The following OR51B5 variants were observed in gnomAD, a reference collection of about 807,000 sequenced individuals.
OR51B5 encodes the protein olfactory receptor family 51 subfamily B member 5.
For synonymous variants in OR51B5, 186 were observed against 144.8 expected (o/e 1.28, Z -2.04); for missense variants, 456 against 374.6 (o/e 1.22, Z -1.79).
rs139435494 is a variant in OR51B5, at chr11:5,389,419, C to T, written n.85-42509G>A. The T allele has an allele frequency of 3.1e-6, 5 of 1,613,264 alleles. No individual in the cohort carries two copies. In the African/African-American group the frequency reaches 4.0e-5, roughly 13 times the overall value. On this transcript the variant is annotated intron_variant and non_coding_transcript_variant, in intron 1 of 4. Coordinates refer to the OR51B5 transcript ENST00000415970. ...GAGGAATGTCAGTCCAATATTCGCT[C>T]AGTCCTCAATTCATGCTGCTATCCA... is the stretch of plus-strand genomic sequence containing the variant.
chr11:5,494,225 T>C (rs1364794407), intron 1 of OR51B5, among the ~76,000 whole-genome samples: 1 of 152,244 alleles, frequency 6.6e-6, no homozygotes, highest in Non-Finnish European at 1.5e-5. Context: ...AATAACATTA[T>C]TCCAGGTAAC....
rs1465989178 is a variant in OR51B5, at chr11:5,404,185, C to T, written n.85-57275G>A. 8.0e-5 allele frequency among the ~76,000 whole-genome samples: 11 copies of T among 137,642 alleles called. No homozygotes were observed. In the South Asian group the frequency reaches 9.5e-4, roughly 12 times the overall value. The allele number at this position is 137,642 out of a possible 152,430, so 90.3% of individuals were successfully genotyped here. ...GGGATGGGGCGGGGAGGGCGGGGGG[C>T]GGAACTTGAAGAACTTTTCTGTCTA... On this transcript the variant is annotated intron_variant and non_coding_transcript_variant, in intron 1 of 4. Transcript: ENST00000415970.
At chr11:5,498,681 C>T (rs768439197) in intron 1 of OR51B5, among the ~76,000 whole-genome samples, 1 of 152,086 alleles carries the variant, frequency 6.6e-6, no homozygotes, top group Non-Finnish European at 1.5e-5. Flanking sequence ...CTAATTGTAA[C>T]CAAGATACAC....
intron 1 of OR51B5, among the ~76,000 whole-genome samples, chr11:5,435,299 T>G (rs1038285990): frequency 6.6e-6 from 1 of 152,236 alleles, no homozygotes. Context: ...TAAACGTGCT[T>G]TCTCTACATT....
At chr11:5,404,474 A>G (rs538378517) in intron 1 of OR51B5, among the ~76,000 whole-genome samples, 104 of 152,282 alleles carry the variant, frequency 6.8e-4, no homozygotes, top group Middle Eastern at 6.8e-3. Flanking sequence ...CACTCTGTAA[A>G]ATCCCACCGA....
intron 1 of OR51B5, among the ~76,000 whole-genome samples, chr11:5,459,831 A>T (rs1184886471): frequency 6.6e-6 from 1 of 152,218 alleles, no homozygotes; most frequent in African/African-American, 2.4e-5. Context: ...GTGATTCCTC[A>T]AAGAGCTAAA....
At chr11:5,390,695 A>C in intron 1 of OR51B5, 1 of 257,602 alleles carries the variant, frequency 3.9e-6, no homozygotes, top group Non-Finnish European at 7.4e-6. Flanking sequence ...AAGAACAATA[A>C]ATACCAGAGC....
At chr11:5,455,880 T>C (rs1590006466) in intron 1 of OR51B5, 2 of 152,282 alleles carry the variant, frequency 1.3e-5, no homozygotes, top group Middle Eastern at 6.8e-3. Context: ...GCCCACTAAA[T>C]AGATTGCTTT....
intron 1 of OR51B5, chr11:5,354,902 G>C (rs1302375520): frequency 5.7e-6 from 1 of 174,362 alleles, no homozygotes; most frequent in Non-Finnish European, 1.2e-5. Context: ...AGGCATTCAA[G>C]AGACCTTGAC....
chr11:5,445,176 A>G (rs1850742258), intron 1 of OR51B5, among the ~76,000 whole-genome samples: 2 of 152,164 alleles, frequency 1.3e-5, no homozygotes. Context: ...ATTATAGACA[A>G]AACTTAGAAA....
At chr11:5,373,675 A>T (rs1849477640) in intron 1 of OR51B5, among the ~76,000 whole-genome samples, 1 of 152,196 alleles carries the variant, frequency 6.6e-6, no homozygotes, top group African/African-American at 2.4e-5. Flanking sequence ...CCAGGAGATT[A>T]TATCCTGCAC....
chr11:5,447,708 C>G (rs1850787645), intron 1 of OR51B5, among the ~76,000 whole-genome samples: 1 of 152,060 alleles, frequency 6.6e-6, no homozygotes, highest in South Asian at 2.1e-4. Flanking sequence ...GAAGCTGGGG[C>G]AGGAAGAAGG....
At chr11:5,433,789 A>T (rs1257548710) in intron 1 of OR51B5, among the ~76,000 whole-genome samples, 1 of 152,118 alleles carries the variant, frequency 6.6e-6, no homozygotes, top group Non-Finnish European at 1.5e-5. Flanking sequence ...CTATGATTGC[A>T]CCACTGTACT....
intron 1 of OR51B5, among the ~76,000 whole-genome samples, chr11:5,424,360 C>T (rs1419289113): frequency 6.7e-6 from 1 of 149,540 alleles, no homozygotes; most frequent in Non-Finnish European, 1.5e-5. Flanking sequence ...AAACAAAAAA[C>T]AAACAAACAA....
intron 1 of OR51B5, among the ~76,000 whole-genome samples, chr11:5,412,624 C>T (rs566937880): frequency 3.2e-4 from 49 of 152,330 alleles, no homozygotes; most frequent in Middle Eastern, 6.8e-3. Flanking sequence ...AAAAAACTGC[C>T]CACCAGGAGA....
At position 5,351,466 on chromosome 11, in the gene OR51B5, G is replaced by C. The variant is rs759376338; in HGVS notation, n.85-4556C>G. 2.7e-6 allele frequency: 4 copies of C among 1,505,764 alleles called. No individual in the cohort carries two copies. In the Admixed American group the frequency reaches 5.6e-5, roughly 21 times the overall value. 93.3% of individuals were successfully genotyped at this position (1,505,764 alleles called of 1,614,324 possible). ...AACTTTTATACAACTGATTACTATT[G>C]CTTTACCTGGAGTAAATATTTGCCT... is the stretch of plus-strand genomic sequence containing the variant. On this transcript the variant is annotated intron_variant and non_coding_transcript_variant, in intron 1 of 4. Transcript: ENST00000415970.
At chr11:5,432,590 A>G (rs1431609441) in intron 1 of OR51B5, among the ~76,000 whole-genome samples, 1 of 152,238 alleles carries the variant, frequency 6.6e-6, no homozygotes, top group Non-Finnish European at 1.5e-5. Flanking sequence ...ATTACTGAAC[A>G]TGTGACATTA....
chr11:5,343,100 A>G (rs887887855), exon 1 of OR51B5: 8 of 1,613,394 alleles, frequency 5.0e-6, no homozygotes, highest in Non-Finnish European at 6.8e-6. Flanking sequence ...TCCCAGCCCA[A>G]TCTTCACTAC....
intron 1 of OR51B5, among the ~76,000 whole-genome samples, chr11:5,483,521 AAAG>A (rs1851457094): frequency 2.0e-5 from 3 of 148,796 alleles, no homozygotes; most frequent in Admixed American, 6.7e-5. Flanking sequence ...AAAAAAAAGA[AAAG>A]AAAAGAAAAG....
Sources: gnomAD v4.1 joint callset for allele counts (sites outside exome capture counted in the v4.1 genomes callset) on GRCh38, gnomAD v4.1.1 for gene constraint, MANE v1.5 for transcripts, NCBI Gene and HGNC (gene_info 2026-07-23, HGNC 2026-07-21) for gene names.